Variants in SMIM18 observed in about 807,000 individuals in gnomAD.
The protein encoded by SMIM18 is small integral membrane protein 18.
SMIM18 carries 4 observed loss-of-function variants against 5.9 expected under a neutral mutation model. That is an observed-to-expected ratio of 0.68 (90% CI 0.33 to 1.56). SMIM18 has a LOEUF of 1.56. SMIM18 is among the 40% of genes most tolerant of loss of function. SMIM18 has a pLI of 0.06. For missense variants in SMIM18, 89 were observed against 109.7 expected (o/e 0.81, Z 0.84); for synonymous variants, 37 against 37.4 (o/e 0.99, Z 0.04).
chr8:30,643,657 C>CT (rs1244731613), intron 1 of SMIM18: 5 of 51,018 alleles, frequency 9.8e-5, no homozygotes, highest in African/African-American at 7.3e-4. Flanking sequence ...AAGACTCTGC[C>CT]TAAAAAAAAA....
At chr8:30,640,393 CAAATGGGAGTAAACATATCA>C (rs1382663410) in intron 1 of SMIM18, among the ~76,000 whole-genome samples, 6 of 152,072 alleles carry the variant, frequency 3.9e-5, no homozygotes, top group South Asian at 2.1e-4. Flanking sequence ...GTAAACATAT[CAAATGGGAGTAAACATATCA>C]AAATGGGAGT....
At chr8:30,645,228 A>C (rs1802023120) in intron 2 of SMIM18, 53 bp from the exon 3 acceptor site, 39 of 1,351,974 alleles carry the variant, frequency 2.9e-5, no homozygotes, top group Non-Finnish European at 3.6e-5. Context: ...CTGAGATTTG[A>C]ATTAACAGAT....
chr8:30,638,633 A>G lies in SMIM18; in HGVS notation c.-117A>G, dbSNP rs1315861696. 3 of 152,658 alleles carry G rather than the reference A, an allele frequency of 2.0e-5. No individual in the cohort carries two copies. Among genetic ancestry groups the G allele is most frequent in the South Asian group, 2.1e-4 (1 of 4,828 alleles). 9.5% of individuals were successfully genotyped at this position (152,658 alleles called of 1,614,324 possible). A position where few individuals can be genotyped will look rare whatever the true frequency, so the allele number is the denominator to read the frequency against. On this transcript the variant is annotated 5_prime_UTR_variant, in exon 1 of 3. Transcript: ENST00000517349. The stretch of plus-strand genomic sequence containing the variant: ...CATCGCTTCAGCAGCATCCTCTCAG[A>G]CAAGAGGTAGGTTTATATGATCTTT...
chr8:30,644,921 T>C (rs1802011434), intron 2 of SMIM18, among the ~76,000 whole-genome samples: 2 of 151,708 alleles, frequency 1.3e-5, no homozygotes, highest in Non-Finnish European at 2.9e-5. Flanking sequence ...TGGCTAATTT[T>C]TGTATGTTTT....
rs745410470 is a variant in SMIM18 at position 30,645,476 on chromosome 8, A to T, written c.167A>T (p.Tyr56Phe). The T allele has an allele frequency of 2.6e-6, 4 of 1,535,508 alleles. No individual in the cohort carries two copies. The South Asian group carries it at 3.6e-5, about 14-fold the overall frequency. Reference sequence around the variant, plus strand: ...TCTTTAGTGGTGCTGGCTTTCCTTTATGAAGTGCTTGACTGCTGCTGCTGT... The same window carrying T: ...TCTTTAGTGGTGCTGGCTTTCCTTTTTGAAGTGCTTGACTGCTGCTGCTGT... ...VVSLVVLAFL[Y>F]EVLDCCCCVK... is the part of the protein sequence containing the mutation. Residue 56 changes from tyrosine (Y) to phenylalanine (F), a missense_variant, in exon 3 of 3, where the codon TAT becomes TTT. Coordinates refer to ENST00000517349, the MANE Select transcript of SMIM18 (RefSeq NM_001206847.2).
intron 1 of SMIM18, among the ~76,000 whole-genome samples, chr8:30,638,843 T>G (rs1199407381): frequency 1.3e-5 from 2 of 152,228 alleles, no homozygotes; most frequent in East Asian, 3.9e-4. Flanking sequence ...CCTTACCATC[T>G]GTGCCTTAAT....
Position 30,645,628 on chromosome 8 carries a change from AAGC to A in SMIM18, c.*35_*37del. 6.6e-7 allele frequency: 1 copy of A among 1,512,094 alleles called. No homozygotes were observed. Among genetic ancestry groups the A allele is most frequent in the Non-Finnish European group, 8.8e-7 (1 of 1,134,678 alleles). The allele number at this position is 1,512,094 out of a possible 1,614,324, so 93.7% of individuals were successfully genotyped here. Reference sequence around the variant, plus strand: ...TATAGAAGATGAACAAAATCTCTGAAAGCAGCTCAACCTCTTCTGAGAAAAAAA... The same window carrying A: ...TATAGAAGATGAACAAAATCTCTGAAAGCTCAACCTCTTCTGAGAAAAAAA... On this transcript the variant is annotated 3_prime_UTR_variant, in exon 3 of 3. Transcript: ENST00000517349.
intron 1 of SMIM18, chr8:30,643,791 C>A (rs1220670897): frequency 4.6e-5 from 7 of 151,100 alleles, no homozygotes; most frequent in Non-Finnish European, 1.0e-4. Context: ...TGAGGCCCTG[C>A]ATCTGCAAGG....
intron 2 of SMIM18, among the ~76,000 whole-genome samples, chr8:30,645,030 G>A (rs890898164): frequency 1.3e-5 from 2 of 151,896 alleles, no homozygotes; most frequent in East Asian, 1.9e-4. Context: ...GATTACAGGC[G>A]TGAGCCACCA....
rs1335540106 is a variant in SMIM18 at position 30,644,559 on chromosome 8, A to G, written c.-43A>G. The G allele has an allele frequency of 2.0e-5, 3 of 152,156 alleles. No individual in the cohort carries two copies. The highest frequency in any genetic ancestry group is 7.2e-5 in the African/African-American group (3 of 41,452). 9.4% of individuals were successfully genotyped at this position (152,156 alleles called of 1,614,324 possible). ...AAGGGGAAACAGGAGACAGAAATACACTGAACCAAAAAGGTAAGAAGAATC... is the reference window on the plus strand; with the variant it reads ...AAGGGGAAACAGGAGACAGAAATACGCTGAACCAAAAAGGTAAGAAGAATC... On this transcript the variant is annotated 5_prime_UTR_variant, in exon 2 of 3. Coordinates refer to ENST00000517349, the MANE Select transcript of SMIM18 (RefSeq NM_001206847.2).
chr8:30,639,569 G>T (rs1801737855), intron 1 of SMIM18, among the ~76,000 whole-genome samples: 1 of 152,002 alleles, frequency 6.6e-6, no homozygotes, highest in Non-Finnish European at 1.5e-5. Context: ...TTATCTTCGT[G>T]GCTCAGAGCA....
intron 1 of SMIM18, among the ~76,000 whole-genome samples, chr8:30,639,096 T>C (rs1161365723): frequency 6.6e-6 from 1 of 152,230 alleles, no homozygotes; most frequent in Non-Finnish European, 1.5e-5. Context: ...TAGTTACTTA[T>C]AAGAAAGTTT....
rs1002170207 is a variant in SMIM18, at chr8:30,645,659, A to G, written c.*62A>G. The G allele has an allele frequency of 5.6e-6, 8 of 1,436,236 alleles. No individual in the cohort carries two copies. In the African/African-American group the frequency reaches 8.6e-5, roughly 15 times the overall value. The allele number at this position is 1,436,236 out of a possible 1,614,324, so 89.0% of individuals were successfully genotyped here. ...CTCAACCTCTTCTGAGAAAAAAAAT[A>G]TATTCTGAGGCCAACTGTTGCTACA... On this transcript the variant is annotated 3_prime_UTR_variant, in exon 3 of 3. Coordinates refer to ENST00000517349, the MANE Select transcript of SMIM18 (RefSeq NM_001206847.2).
intron 1 of SMIM18, among the ~76,000 whole-genome samples, chr8:30,643,204 T>C (rs1484667220): frequency 6.6e-6 from 1 of 152,224 alleles, no homozygotes; most frequent in Non-Finnish European, 1.5e-5. Flanking sequence ...AAAACAATAT[T>C]GTGGTTATGT....
intron 2 of SMIM18, among the ~76,000 whole-genome samples, chr8:30,645,032 G>A (rs1391041360): frequency 5.9e-5 from 9 of 151,922 alleles, no homozygotes; most frequent in Non-Finnish European, 1.3e-4. Context: ...TTACAGGCGT[G>A]AGCCACCATG....
intron 1 of SMIM18, among the ~76,000 whole-genome samples, chr8:30,639,182 C>A (rs1022754748): frequency 6.6e-6 from 1 of 151,872 alleles, no homozygotes; most frequent in Non-Finnish European, 1.5e-5. Context: ...CAGAGAATGC[C>A]AAGAAATTAT....
intron 1 of SMIM18, among the ~76,000 whole-genome samples, chr8:30,642,107 C>T (rs1801857824): frequency 6.6e-6 from 1 of 152,102 alleles, no homozygotes; most frequent in Admixed American, 6.5e-5. Flanking sequence ...AAACAACAGG[C>T]TCTTTTAAGT....
At position 30,645,492 on chromosome 8, in the gene SMIM18, C is replaced by A; in HGVS notation, c.183C>A (p.Cys61Ter). The A allele has an allele frequency of 6.5e-7, 1 of 1,535,616 alleles. No homozygotes were observed. Among genetic ancestry groups the A allele is most frequent in the Non-Finnish European group, 8.7e-7 (1 of 1,146,888 alleles). Residue 61 changes from cysteine to a stop codon, truncating the protein, a stop_gained, in exon 3 of 3, where the codon TGC becomes TGA. Transcript: ENST00000517349. LOFTEE classifies it high-confidence loss of function. ...CTTTCCTTTATGAAGTGCTTGACTG[C>A]TGCTGCTGTGTAAAAAACAAAACCG... ...VLAFLYEVLD[C>*]CCCVKNKTVK... is the part of the protein sequence containing the mutation.
chr8:30,645,872 G>T lies in SMIM18; in HGVS notation c.*275G>T. 3.3e-6 allele frequency: 1 copy of T among 304,504 alleles called. No homozygotes were observed. The highest frequency in any genetic ancestry group is 6.0e-6 in the Non-Finnish European group (1 of 165,304). The allele number at this position is 304,504 out of a possible 1,614,324, so 18.9% of individuals were successfully genotyped here. ...AAAGATTCCTAGAGTTCAATATTAA[G>T]CAGCAAAAGATAAGCTGGAAAAGAC... is the stretch of plus-strand genomic sequence containing the variant. On this transcript the variant is annotated 3_prime_UTR_variant, in exon 3 of 3. Transcript: ENST00000517349.
Sources: allele counts gnomAD v4.1 joint callset (sites outside exome capture counted in the v4.1 genomes callset), GRCh38; gene constraint gnomAD v4.1.1; transcripts MANE v1.5; gene names NCBI Gene and HGNC (gene_info 2026-07-23, HGNC 2026-07-21).